RIMS2: variants seen among roughly 807,000 people sequenced by gnomAD.
RIMS2 encodes regulating synaptic membrane exocytosis 2.
In RIMS2, 59 loss-of-function variants were observed where a neutral mutation model predicts 174.4. The ratio of observed to expected loss-of-function variants is 0.34; its 90% CI spans 0.27 to 0.42. The LOEUF is 0.42. Among genes scored for constraint, RIMS2 ranks in the 10% least tolerant of loss-of-function variants. The pLI, the probability that RIMS2 is intolerant of heterozygous loss-of-function variation, is 1.00. For missense variants in RIMS2, 1,620 were observed against 1,666.3 expected, an observed-to-expected ratio of 0.97 and a Z score of 0.48; for synonymous variants, 606 against 572.5, an observed-to-expected ratio of 1.06 and a Z score of -0.84.
chr8:103,969,155 TTTG>T (rs1172860396), intron 15 of RIMS2, among the ~76,000 whole-genome samples: 7 of 152,104 alleles, frequency 4.6e-5, no homozygotes, highest in African/African-American at 1.7e-4. Flanking sequence ...CTTTTTTCTC[TTTG>T]TTGTTATTAT....
intron 19 of RIMS2, among the ~76,000 whole-genome samples, chr8:104,023,568 C>G (rs2096168053): frequency 6.6e-6 from 1 of 152,112 alleles, no homozygotes; most frequent in African/African-American, 2.4e-5. Context: ...TTTCTATTAA[C>G]TAATACAGGG....
Position 103,641,105 on chromosome 8 carries a change from A to G in RIMS2, c.177-55981A>G, listed in dbSNP as rs534982023. On this transcript the variant is annotated intron_variant, in intron 1 of 23. Transcript: ENST00000504942. ...CCTTTTATTATTATGAAATACTTTG[A>G]TTTTTCTCTGATAATTTTCCTTGCT... Among the ~76,000 whole-genome samples the G allele has an allele frequency of 3.6e-4, 55 of 151,916 alleles. 1 individual carries two copies. In the South Asian group the frequency reaches 0.011, roughly 30 times the overall value.
intron 2 of RIMS2, among the ~76,000 whole-genome samples, chr8:103,742,390 T>C (rs1193092528): frequency 6.6e-6 from 1 of 152,152 alleles, no homozygotes; most frequent in Non-Finnish European, 1.5e-5. Context: ...GAACCATATG[T>C]ACATAATGAG....
chr8:104,197,965 A>G (rs1364743284), intron 19 of RIMS2, among the ~76,000 whole-genome samples: 1 of 151,666 alleles, frequency 6.6e-6, no homozygotes, highest in African/African-American at 2.4e-5. Flanking sequence ...AATAATAATA[A>G]TAATAATAAA....
In RIMS2 at chr8:103,961,029, C is replaced by G. The variant is rs73295508; in HGVS notation, c.2702-36C>G. On this transcript the variant is annotated intron_variant, in intron 14 of 23. Transcript: ENST00000504942. The stretch of plus-strand genomic sequence containing the variant: ...TGAGGAATTTTCTTCCTTAGAGAAT[C>G]AGAATTTTTAATTATTGCTATTGTT... The G allele has an allele frequency of 0.012, 13,284 of 1,069,362 alleles. 955 individuals carry two copies. The African/African-American group carries it at 0.17, about 14-fold the overall frequency. 66.2% of individuals were successfully genotyped at this position (1,069,362 alleles called of 1,614,324 possible). A position where few individuals can be genotyped will look rare whatever the true frequency, so the allele number is the denominator to read the frequency against.
chr8:103,913,367 G>A (rs868108575), intron 6 of RIMS2, among the ~76,000 whole-genome samples: 2 of 152,064 alleles, frequency 1.3e-5, no homozygotes, highest in Non-Finnish European at 2.9e-5. Flanking sequence ...CCAGGAGTTC[G>A]AGGTTACAGT....
At chr8:103,612,448 A>T (rs2095402607) in intron 1 of RIMS2, among the ~76,000 whole-genome samples, 2 of 152,206 alleles carry the variant, frequency 1.3e-5, no homozygotes, top group Non-Finnish European at 2.9e-5. Context: ...TGTTTCAGGT[A>T]TTTGAATGGA....
chr8:103,808,080 T>A (rs879784080), intron 3 of RIMS2, among the ~76,000 whole-genome samples: 3 of 152,130 alleles, frequency 2.0e-5, no homozygotes, highest in Non-Finnish European at 4.4e-5. Context: ...ATAGGCTAGA[T>A]CTGGGTTTTA....
intron 4 of RIMS2, among the ~76,000 whole-genome samples, chr8:103,888,356 G>A (rs899037720): frequency 6.0e-5 from 9 of 151,158 alleles, no homozygotes; most frequent in East Asian, 1.9e-4. Context: ...AGCAACTATC[G>A]ATCTTAATTA....
intron 1 of RIMS2, among the ~76,000 whole-genome samples, chr8:103,542,053 A>G (rs1229232652): frequency 2.0e-5 from 3 of 152,162 alleles, no homozygotes. Flanking sequence ...AAAACAACCA[A>G]GAGCAAGGTT....
chr8:104,070,120 T>C (rs1231189257), intron 19 of RIMS2, among the ~76,000 whole-genome samples: 2 of 152,218 alleles, frequency 1.3e-5, no homozygotes, highest in African/African-American at 2.4e-5. Context: ...TAAGTGGCTA[T>C]GTTGGGTATA....
chr8:104,156,665 A>T (rs1292536964), intron 19 of RIMS2, among the ~76,000 whole-genome samples: 1 of 152,226 alleles, frequency 6.6e-6, no homozygotes, highest in Admixed American at 6.5e-5. Context: ...TGCATCATTT[A>T]TAAATAAATT....
At position 103,918,556 on chromosome 8, in the gene RIMS2, TTAAC is replaced by T. The variant is rs781663236; in HGVS notation, c.2083+72_2083+75del. The T allele has an allele frequency of 1.2e-5, 13 of 1,042,446 alleles. No homozygotes were observed. In the African/African-American group the frequency reaches 1.2e-4, roughly 10 times the overall value. 64.6% of individuals were successfully genotyped at this position (1,042,446 alleles called of 1,614,324 possible). ...ATTCATCAGAGATCAGATGAAGTAT[TTAAC>T]TAGTAATGTGAAGTAAGAAATATGA... On this transcript the variant is annotated intron_variant, in intron 9 of 23. Coordinates refer to ENST00000504942, the Ensembl canonical transcript of RIMS2.
intron 17 of RIMS2, among the ~76,000 whole-genome samples, chr8:104,008,643 G>A (rs2095663308): frequency 6.6e-6 from 1 of 151,794 alleles, no homozygotes; most frequent in Non-Finnish European, 1.5e-5. Flanking sequence ...TTGTAGATGT[G>A]AGAATACTTC....
intron 1 of RIMS2, among the ~76,000 whole-genome samples, chr8:103,505,503 G>T (rs535936103): frequency 6.6e-6 from 1 of 151,964 alleles, no homozygotes; most frequent in South Asian, 2.1e-4. Flanking sequence ...GGGTATTTAA[G>T]TTTTTTTCTA....
intron 19 of RIMS2, among the ~76,000 whole-genome samples, chr8:104,117,405 T>C (rs1032091992): frequency 6.6e-6 from 1 of 152,002 alleles, no homozygotes; most frequent in Non-Finnish European, 1.5e-5. Flanking sequence ...TTTTTTTTAA[T>C]AGAAGCAAGG....
chr8:103,832,580 C>T (rs1165236729), intron 3 of RIMS2, among the ~76,000 whole-genome samples: 1 of 152,090 alleles, frequency 6.6e-6, no homozygotes. Flanking sequence ...TTGTTCGCCT[C>T]TATGTGTCCA....
intron 19 of RIMS2, among the ~76,000 whole-genome samples, chr8:104,112,251 A>G (rs1368733850): frequency 9.2e-5 from 14 of 152,152 alleles, no homozygotes; most frequent in Admixed American, 5.9e-4. Flanking sequence ...TTGCTACCTC[A>G]TTTCCTGTTA....
chr8:104,150,869 TG>T (rs1385986851), intron 19 of RIMS2, among the ~76,000 whole-genome samples: 1 of 152,206 alleles, frequency 6.6e-6, no homozygotes, highest in Non-Finnish European at 1.5e-5. Context: ...GGCTGCCATT[TG>T]TTTATGTAAC....
Sources: gnomAD v4.1 joint callset for allele counts (sites outside exome capture counted in the v4.1 genomes callset) on GRCh38, gnomAD v4.1.1 for gene constraint, MANE v1.5 for transcripts, NCBI Gene and HGNC (gene_info 2026-07-23, HGNC 2026-07-21) for gene names.